The following CNTNAP5 variants were observed in gnomAD, a reference collection of about 807,000 sequenced individuals.
CNTNAP5 encodes contactin-associated protein-like 5.
In CNTNAP5, 72 loss-of-function variants were observed where a neutral mutation model predicts 150.2. That is an observed-to-expected ratio of 0.48 (90% confidence interval 0.40 to 0.58). The LOEUF (loss-of-function observed/expected upper bound fraction) is 0.58. Ranked by LOEUF, CNTNAP5 falls within the 20% of genes least tolerant of loss-of-function variation. The pLI is 0.00. For synonymous variants in CNTNAP5, 672 were observed against 619.8 expected (o/e 1.08, Z -1.25); for missense variants, 1,636 against 1,626.2 (o/e 1.01, Z -0.10).
At chr2:124,411,170 T>A (rs1053103444) in intron 3 of CNTNAP5, among the ~76,000 whole-genome samples, 150 of 152,112 alleles carry the variant, frequency 9.9e-4, no homozygotes, top group Admixed American at 1.7e-3. Context: ...CTCTCCCAAG[T>A]CTAAACCAGG....
At chr2:124,178,157 T>G (rs967235492) in intron 1 of CNTNAP5, among the ~76,000 whole-genome samples, 1 of 152,172 alleles carries the variant, frequency 6.6e-6, no homozygotes, top group African/African-American at 2.4e-5. Flanking sequence ...AATGGTTTAC[T>G]TTTTTATTGT....
chr2:124,648,724 G>T (rs1376765941), intron 13 of CNTNAP5, among the ~76,000 whole-genome samples: 1 of 152,050 alleles, frequency 6.6e-6, no homozygotes, highest in Non-Finnish European at 1.5e-5. Flanking sequence ...GTAAGATAGG[G>T]TTCATCAAAA....
At chr2:124,388,899 G>T (rs994424812) in intron 3 of CNTNAP5, among the ~76,000 whole-genome samples, 1 of 151,964 alleles carries the variant, frequency 6.6e-6, no homozygotes, top group Non-Finnish European at 1.5e-5. Context: ...CAGGCTGCAC[G>T]GGGTCCATTT....
At chr2:124,356,119 C>T (rs1166574829) in intron 3 of CNTNAP5, among the ~76,000 whole-genome samples, 4 of 152,066 alleles carry the variant, frequency 2.6e-5, no homozygotes, top group African/African-American at 7.2e-5. Context: ...AAGATTGTCC[C>T]ATGATTTGAA....
intron 19 of CNTNAP5, among the ~76,000 whole-genome samples, chr2:124,849,122 GATCTTAT>G (rs1356486459): frequency 2.0e-5 from 3 of 152,044 alleles, no homozygotes; most frequent in African/African-American, 7.2e-5. Flanking sequence ...TATGGTTTCA[GATCTTAT>G]ATTTAACTCT....
At chr2:124,834,791 G>GTGTATA (rs1553447348) in intron 19 of CNTNAP5, among the ~76,000 whole-genome samples, 4 of 147,488 alleles carry the variant, frequency 2.7e-5, no homozygotes, top group Non-Finnish European at 6.0e-5. Context: ...ATATTTCACA[G>GTGTATA]TATATATATA....
chr2:124,916,947 A>G lies in CNTNAP5; in HGVS notation c.*2659A>G, dbSNP rs1397692623. 6.6e-6 allele frequency among the ~76,000 whole-genome samples: 1 copy of G among 151,996 alleles called. No individual in the cohort carries two copies. Among genetic ancestry groups the G allele is most frequent in the Non-Finnish European group, 1.5e-5 (1 of 67,962 alleles). ...AAATGCAAGTGATCCGTACCCTCCA[A>G]AGTAGAATGTAATTTACAATTAGAA... On this transcript the variant is annotated 3_prime_UTR_variant, in exon 24 of 24. Transcript: ENST00000682447.
At chr2:124,244,406 G>A (rs1393939838) in intron 3 of CNTNAP5, among the ~76,000 whole-genome samples, 1 of 152,028 alleles carries the variant, frequency 6.6e-6, no homozygotes, top group Non-Finnish European at 1.5e-5. Flanking sequence ...TGAAGGGTGG[G>A]GGCAGGAGAC....
At position 124,917,729 on chromosome 2, in the gene CNTNAP5, C is replaced by T. The variant is rs760407631; in HGVS notation, c.*3441C>T. On this transcript the variant is annotated 3_prime_UTR_variant, in exon 24 of 24. Coordinates refer to ENST00000682447, the MANE Select transcript of CNTNAP5 (RefSeq NM_001367498.1). ...GTATTTATGGAATGCCAATGAGTGC[C>T]GGGCTAGGCATTGGGTGAACATATA... Among the ~76,000 whole-genome samples the T allele has an allele frequency of 1.1e-4, 16 of 151,956 alleles. No individual in the cohort carries two copies. The highest frequency in any genetic ancestry group is 3.4e-4 in the African/African-American group (14 of 41,384).
intron 1 of CNTNAP5, among the ~76,000 whole-genome samples, chr2:124,160,896 A>G (rs1684660422): frequency 6.6e-6 from 1 of 152,100 alleles, no homozygotes; most frequent in Admixed American, 6.6e-5. Context: ...TATTTATTTC[A>G]TTTTATTTGT....
chr2:124,840,897 C>A (rs1682930746), intron 19 of CNTNAP5, among the ~76,000 whole-genome samples: 1 of 152,080 alleles, frequency 6.6e-6, no homozygotes, highest in Non-Finnish European at 1.5e-5. Context: ...ACATGAGGAC[C>A]AAGCAATGTG....
chr2:124,642,155 A>G (rs907463922), intron 12 of CNTNAP5, among the ~76,000 whole-genome samples: 3 of 152,174 alleles, frequency 2.0e-5, no homozygotes, highest in African/African-American at 4.8e-5. Flanking sequence ...GCTGTCTGGG[A>G]GCTTTTCTGG....
chr2:124,195,840 G>T (rs773190824), intron 1 of CNTNAP5, among the ~76,000 whole-genome samples: 1 of 152,036 alleles, frequency 6.6e-6, no homozygotes, highest in Non-Finnish European at 1.5e-5. Flanking sequence ...CTAAGCAAAG[G>T]CACACAAGCT....
intron 22 of CNTNAP5, among the ~76,000 whole-genome samples, chr2:124,905,038 C>CAAAAA (rs55882801): frequency 1.8e-4 from 9 of 50,682 alleles, no homozygotes; most frequent in Admixed American, 3.7e-4. Context: ...AACTCAATAG[C>CAAAAA]AAAAAAAAAA....
intron 5 of CNTNAP5, among the ~76,000 whole-genome samples, chr2:124,443,813 C>CGTGT (rs3034804): frequency 0.053 from 7,637 of 143,746 alleles, 362 homozygotes; most frequent in African/African-American, 0.13. Context: ...AATTCCTTGC[C>CGTGT]GTGTGTGTGT....
chr2:124,604,272 A>T (rs1048580823), intron 11 of CNTNAP5, among the ~76,000 whole-genome samples: 1 of 152,144 alleles, frequency 6.6e-6, no homozygotes, highest in Non-Finnish European at 1.5e-5. Context: ...TGTTGATAAG[A>T]CAATTATTAG....
In CNTNAP5 at chr2:124,247,264, A is replaced by G. The variant is rs542635798; in HGVS notation, c.381+4871A>G. ...ATTTGAGAGTGAGAATCTCATCACC[A>G]TCAATATATATCTTTTAAGCTCTCA... On this transcript the variant is annotated intron_variant, in intron 3 of 23. Transcript: ENST00000682447. Among the ~76,000 whole-genome samples, 33 of 152,260 alleles carry G rather than the reference A, an allele frequency of 2.2e-4. No homozygotes were observed. In the South Asian group the frequency reaches 6.2e-3, roughly 29 times the overall value.
At chr2:124,205,504 C>T (rs112784287) in intron 1 of CNTNAP5, among the ~76,000 whole-genome samples, 10,521 of 151,776 alleles carry the variant, frequency 0.069, 507 homozygotes, top group South Asian at 0.12. Context: ...CTGCAACCTC[C>T]GCCTCCTGGG....
At chr2:124,550,499 C>A (rs540136021) in intron 10 of CNTNAP5, among the ~76,000 whole-genome samples, 49 of 152,260 alleles carry the variant, frequency 3.2e-4, no homozygotes, top group African/African-American at 1.2e-3. Context: ...TTACAGTAAT[C>A]CAGAGAGCTC....
Sources: allele counts gnomAD v4.1 joint callset (sites outside exome capture counted in the v4.1 genomes callset), GRCh38; gene constraint gnomAD v4.1.1; transcripts MANE v1.5; gene names NCBI Gene and HGNC (gene_info 2026-07-23, HGNC 2026-07-21).